NKTR: variants seen among roughly 807,000 people sequenced by gnomAD.
The protein encoded by NKTR is NK-tumor recognition protein.
In NKTR, 67 loss-of-function variants were observed where a neutral mutation model predicts 156.3. The ratio of observed to expected loss-of-function variants is 0.43; its 90% CI spans 0.35 to 0.53. NKTR has a LOEUF of 0.53. Ranked by LOEUF, NKTR falls within the 20% of genes least tolerant of loss-of-function variation. The pLI is 0.01. For missense variants in NKTR, 1,604 were observed against 1,730.9 expected (o/e 0.93, Z 1.30); for synonymous variants, 640 against 596.6 (o/e 1.07, Z -1.06).
Position 42,637,714 on chromosome 3 carries a change from T to C in NKTR, c.2010T>C (p.Asn670=), listed in dbSNP as rs746595133. ...CATCCTACCATAAAAGAGAAAAAAA[T>C]TCGGAAAGTGATCAGAGCACTTATT... The part of the protein sequence containing the change: ...SSSSYHKREK[N]SESDQSTYSK... Residue 670 remains asparagine (N), a synonymous_variant, in exon 13 of 17, where the codon AAT becomes AAC. Transcript: ENST00000232978. 6.2e-6 allele frequency: 10 copies of C among 1,613,794 alleles called. No homozygotes were observed. Among genetic ancestry groups the C allele is most frequent in the Admixed American group, 1.7e-5 (1 of 59,964 alleles).
Position 42,639,764 on chromosome 3 carries a change from T to C in NKTR, c.4046+14T>C. On this transcript the variant is annotated intron_variant, in intron 13 of 16. Coordinates refer to ENST00000232978, the MANE Select transcript of NKTR (RefSeq NM_005385.4). ...ATCATCTTATCGGTGAGCAATATTC[T>C]CTTTCCTTTCTTCTCCCAAGGAGAG... is the stretch of plus-strand genomic sequence containing the variant. 1 of 1,538,084 alleles carries C rather than the reference T, an allele frequency of 6.5e-7. No individual in the cohort carries two copies. The highest frequency in any genetic ancestry group is 8.9e-7 in the Non-Finnish European group (1 of 1,126,826).
At chr3:42,635,159 G>C (rs1411109970) in intron 11 of NKTR, 62 bp from the exon 12 acceptor site, 14 of 1,361,434 alleles carry the variant, frequency 1.0e-5, no homozygotes, top group Non-Finnish European at 1.3e-5. Flanking sequence ...ACTTAACTCT[G>C]TCACATAGCA....
rs1710487871 is a variant in NKTR at position 42,648,443 on chromosome 3, A to G, written c.*2468A>G. 6.6e-6 allele frequency: 1 copy of G among 152,316 alleles called. No homozygotes were observed. The highest frequency in any genetic ancestry group is 2.4e-5 in the African/African-American group (1 of 41,450). 9.4% of individuals were successfully genotyped at this position (152,316 alleles called of 1,614,324 possible). ...GCTGCAGCGTTCAACTTGTGTGTTTACTGACAGAGTGAACTACAGAAATAG... is the reference window on the plus strand; with the variant it reads ...GCTGCAGCGTTCAACTTGTGTGTTTGCTGACAGAGTGAACTACAGAAATAG... On this transcript the variant is annotated 3_prime_UTR_variant, in exon 17 of 17. Transcript: ENST00000232978.
chr3:42,618,429 AACTC>A (rs1372942730), intron 3 of NKTR, among the ~76,000 whole-genome samples: 2 of 151,734 alleles, frequency 1.3e-5, no homozygotes, highest in African/African-American at 4.8e-5. Context: ...TTTTTGCACT[AACTC>A]CTTGATTTTG....
rs1021036676 is a variant in NKTR, at chr3:42,647,025, A to T, written c.*1050A>T. 1 of 152,112 alleles carries T rather than the reference A, an allele frequency of 6.6e-6. No homozygotes were observed. The highest frequency in any genetic ancestry group is 1.5e-5 in the Non-Finnish European group (1 of 68,054). 9.4% of individuals were successfully genotyped at this position (152,112 alleles called of 1,614,324 possible). On this transcript the variant is annotated 3_prime_UTR_variant, in exon 17 of 17. Coordinates refer to ENST00000232978, the MANE Select transcript of NKTR (RefSeq NM_005385.4). ...AAAAATCTAACTGCCACCATCCTGGAGACATTTTGCAGGGCTTTCCTTTCA... is the reference window on the plus strand; with the variant it reads ...AAAAATCTAACTGCCACCATCCTGGTGACATTTTGCAGGGCTTTCCTTTCA...
Position 42,644,917 on chromosome 3 carries a change from G to A in NKTR, c.4301+914G>A, listed in dbSNP as rs191680642. The stretch of plus-strand genomic sequence containing the variant: ...GGCTCCCCTTGCTCCTAAATTACTT[G>A]TCTTGCTGACTATTCTATTCTGTCC... On this transcript the variant is annotated intron_variant, in intron 16 of 16. Coordinates refer to ENST00000232978, the MANE Select transcript of NKTR (RefSeq NM_005385.4). 2.0e-5 allele frequency among the ~76,000 whole-genome samples: 3 copies of A among 152,142 alleles called. No homozygotes were observed. In the East Asian group the frequency reaches 5.8e-4, roughly 29 times the overall value.
At chr3:42,629,057 G>C (rs1159221403) in intron 6 of NKTR, 2 of 918,606 alleles carry the variant, frequency 2.2e-6, no homozygotes, top group African/African-American at 3.6e-5. Flanking sequence ...ATATAATAGA[G>C]TCACTAGCTT....
chr3:42,642,636 T>TCTCCATCAG (rs746250727), intron 14 of NKTR, 40 bp downstream of exon 14: 1 of 1,449,224 alleles, frequency 6.9e-7, no homozygotes, highest in South Asian at 1.1e-5. Flanking sequence ...GTCTCCATCA[T>TCTCCATCAG]GTCCACTTTT....
intron 2 of NKTR, among the ~76,000 whole-genome samples, chr3:42,606,250 C>G (rs895581704): frequency 6.6e-6 from 1 of 152,122 alleles, no homozygotes; most frequent in African/African-American, 2.4e-5. Context: ...TCCCTTGTCC[C>G]CCCCAGTTCC....
chr3:42,622,207 AC>A (rs1475532766), intron 6 of NKTR, among the ~76,000 whole-genome samples: 1 of 152,042 alleles, frequency 6.6e-6, no homozygotes, highest in Non-Finnish European at 1.5e-5. Context: ...CCAAAAACTT[AC>A]CTTTTTATTA....
chr3:42,637,282 G>A lies in NKTR; in HGVS notation c.1578G>A (p.Gln526=). 6 of 1,613,978 alleles carry A rather than the reference G, an allele frequency of 3.7e-6. No individual in the cohort carries two copies. The highest frequency in any genetic ancestry group is 5.1e-6 in the Non-Finnish European group (6 of 1,179,986). ...RDSYRSKSHS[Q]SYSRGSSRSR... is the part of the protein sequence containing the mutation. ...CATACAGATCAAAATCTCACTCACA[G>A]TCTTATTCTAGAGGAAGCTCAAGAT... The change falls in exon 13 of 17, where the codon CAG becomes CAA. Residue 526 remains glutamine, a synonymous_variant. Transcript: ENST00000232978.
rs1312400346 is a variant in NKTR, at chr3:42,630,568, C to G, written c.397C>G (p.Leu133Val). Residue 133 changes from leucine to valine, a missense_variant, in exon 7 of 17, where the codon CTG becomes GTG. Coordinates refer to ENST00000232978, the MANE Select transcript of NKTR (RefSeq NM_005385.4). ...FFITTKPAPH[L>V]DGVHVVFGLV... Reference sequence around the variant, plus strand: ...TAGTACCACAAAGCCTGCTCCACACCTGGATGGGTAAGAGTTACATTCTTA... The same window carrying G: ...TAGTACCACAAAGCCTGCTCCACACGTGGATGGGTAAGAGTTACATTCTTA... The G allele has an allele frequency of 6.2e-7, 1 of 1,613,706 alleles. No homozygotes were observed. Among genetic ancestry groups the G allele is most frequent in the Non-Finnish European group, 8.5e-7 (1 of 1,179,768 alleles).
intron 10 of NKTR, 95 bp from the exon 11 acceptor site, chr3:42,634,508 TGGCATGTATC>T: frequency 1.8e-6 from 1 of 561,626 alleles, no homozygotes; most frequent in Non-Finnish European, 3.1e-6. Flanking sequence ...TATTGCAAAA[TGGCATGTATC>T]TTTGAATTAA....
chr3:42,600,831 G>A (rs2125747781), intron 1 of NKTR, 53 bp downstream of exon 1: 1 of 427,198 alleles, frequency 2.3e-6, no homozygotes, highest in East Asian at 3.8e-5. Context: ...CGAGGCCCGG[G>A]GCGGGAGGGG....
rs996581344 is a variant in NKTR at position 42,648,554 on chromosome 3, G to C, written c.*2579G>C. The C allele has an allele frequency of 2.0e-5, 3 of 152,612 alleles. No homozygotes were observed. The highest frequency in any genetic ancestry group is 7.2e-5 in the African/African-American group (3 of 41,434). 9.5% of individuals were successfully genotyped at this position (152,612 alleles called of 1,614,324 possible). ...ATGTTGTGTATTGTGCTTCTTAATA[G>C]GAAATGCATTATTGGACTGTTTTTG... On this transcript the variant is annotated 3_prime_UTR_variant, in exon 17 of 17. Coordinates refer to ENST00000232978, the MANE Select transcript of NKTR (RefSeq NM_005385.4).
chr3:42,630,804 C>A (rs1007707109), intron 7 of NKTR: 5 of 1,348,720 alleles, frequency 3.7e-6, no homozygotes, highest in Non-Finnish European at 2.9e-6. Context: ...CAATATAATT[C>A]TTTTTATTTT....
At chr3:42,627,641 A>G in intron 6 of NKTR, 2 of 985,122 alleles carry the variant, frequency 2.0e-6, no homozygotes, top group Non-Finnish European at 2.4e-6. Context: ...TGTTTTTTAA[A>G]GTAGATTCAG....
chr3:42,617,976 A>G (rs1467376354), intron 3 of NKTR, among the ~76,000 whole-genome samples: 2 of 152,178 alleles, frequency 1.3e-5, no homozygotes, highest in Non-Finnish European at 2.9e-5. Context: ...CTTTGAAAAA[A>G]TTTAGTATTC....
chr3:42,606,480 C>A (rs1043699272), intron 2 of NKTR, among the ~76,000 whole-genome samples: 2 of 152,006 alleles, frequency 1.3e-5, no homozygotes, highest in African/African-American at 4.8e-5. Flanking sequence ...GCAGGTAGAC[C>A]TTTGATTTTG....
Sources: gnomAD v4.1 joint callset for allele counts (sites outside exome capture counted in the v4.1 genomes callset) on GRCh38, gnomAD v4.1.1 for gene constraint, MANE v1.5 for transcripts, NCBI Gene and HGNC (gene_info 2026-07-23, HGNC 2026-07-21) for gene names.